The following GRIA3 variants were observed in gnomAD, a reference collection of about 807,000 sequenced individuals.
GRIA3 encodes the protein glutamate ionotropic receptor AMPA type subunit 3, also known as glutamate receptor 3.
A neutral mutation model predicts 63.0 loss-of-function variants in GRIA3; 3 were observed. The observed-to-expected ratio is 0.05, with a 90% CI of 0.02 to 0.12. GRIA3 has a LOEUF of 0.12. Ranked by LOEUF, GRIA3 falls within the 10% of genes least tolerant of loss-of-function variation. GRIA3 has a pLI of 1.00. For missense variants in GRIA3, 347 were observed against 700.9 expected, an observed-to-expected ratio of 0.50 and a Z score of 5.70; for synonymous variants, 274 against 257.9, an observed-to-expected ratio of 1.06 and a Z score of -0.60.
intron 3 of GRIA3, among the ~76,000 whole-genome samples, chrX:123,322,817 A>C (rs761807723): frequency 3.7e-4 from 41 of 112,220 alleles, no homozygotes; most frequent in Admixed American, 2.2e-3. Context: ...CTTGCTCAAA[A>C]AATGTGAGCA....
rs776668202 is a variant in GRIA3 at position 123,418,546 on chromosome X, C to T, written c.1877+768C>T. ...CATCCAGAATATATAACACCTCTTACAACTCAATAAAAAGAAGACAATCCA... is the reference window on the plus strand; with the variant it reads ...CATCCAGAATATATAACACCTCTTATAACTCAATAAAAAGAAGACAATCCA... On this transcript the variant is annotated intron_variant, in intron 11 of 15. Transcript: ENST00000620443. Among the ~76,000 whole-genome samples the T allele has an allele frequency of 2.7e-5, 3 of 112,113 alleles. No homozygotes were observed. In the South Asian group the frequency reaches 1.1e-3, roughly 42 times the overall value.
intron 10 of GRIA3, among the ~76,000 whole-genome samples, chrX:123,407,754 C>T (rs1439148295): frequency 1.0e-5 from 1 of 97,535 alleles, no homozygotes; most frequent in Non-Finnish European, 2.0e-5. Context: ...ATAACTTTAA[C>T]CCAGATCTTT....
intron 3 of GRIA3, among the ~76,000 whole-genome samples, chrX:123,279,200 C>CTT: frequency 9.0e-6 from 1 of 110,948 alleles, no homozygotes; most frequent in East Asian, 2.8e-4. Context: ...TGGTGGTTAC[C>CTT]AGAGGATAGG....
chrX:123,353,664 C>T (rs1396138093), intron 4 of GRIA3, among the ~76,000 whole-genome samples: 1 of 111,408 alleles, frequency 9.0e-6, no homozygotes, highest in Non-Finnish European at 1.9e-5. Flanking sequence ...CTTAATGGCC[C>T]CTCACTTGCA....
At chrX:123,209,741 A>G (rs888426873) in intron 2 of GRIA3, among the ~76,000 whole-genome samples, 1 of 111,788 alleles carries the variant, frequency 8.9e-6, no homozygotes, top group African/African-American at 3.3e-5. Context: ...TTTGAAAAAT[A>G]TTCCCAAGGT....
chrX:123,220,604 A>C (rs150816919), intron 2 of GRIA3, among the ~76,000 whole-genome samples: 1 of 111,549 alleles, frequency 9.0e-6, no homozygotes, highest in Non-Finnish European at 1.9e-5. Context: ...GCACTAATAT[A>C]AATGGATTCC....
At chrX:123,357,553 G>A (rs1285933954) in intron 5 of GRIA3, among the ~76,000 whole-genome samples, 2 of 108,507 alleles carry the variant, frequency 1.8e-5, no homozygotes, top group African/African-American at 6.7e-5. Context: ...ATCATCTCAA[G>A]AATTTATCCT....
chrX:123,309,661 G>T (rs1245793019), intron 3 of GRIA3, among the ~76,000 whole-genome samples: 1 of 111,669 alleles, frequency 9.0e-6, no homozygotes, highest in Admixed American at 9.5e-5. Context: ...GCCTAAGGGG[G>T]TTGTCAAACA....
chrX:123,202,187 C>T (rs1368094372), intron 2 of GRIA3, among the ~76,000 whole-genome samples: 10 of 112,157 alleles, frequency 8.9e-5, no homozygotes, highest in Non-Finnish European at 1.9e-5. Flanking sequence ...CAGATATCGT[C>T]GCATTTCCTG....
intron 5 of GRIA3, among the ~76,000 whole-genome samples, chrX:123,394,516 A>T (rs2045403275): frequency 8.9e-6 from 1 of 112,570 alleles, no homozygotes; most frequent in African/African-American, 3.2e-5. Context: ...ACAAATTTCT[A>T]AAGTACTCAT....
intron 13 of GRIA3, among the ~76,000 whole-genome samples, chrX:123,473,786 T>C (rs2045875114): frequency 8.9e-6 from 1 of 111,904 alleles, no homozygotes; most frequent in South Asian, 3.8e-4. Context: ...ATTCTCGTCA[T>C]CCAGATAATG....
At chrX:123,241,749 A>C (rs983007) in intron 2 of GRIA3, among the ~76,000 whole-genome samples, 2 of 109,329 alleles carry the variant, frequency 1.8e-5, no homozygotes, top group African/African-American at 3.3e-5. Context: ...GCTGAAAAAA[A>C]GAAGTCATAG....
At chrX:123,457,256 A>G (rs2045767035) in intron 12 of GRIA3, among the ~76,000 whole-genome samples, 2 of 111,353 alleles carry the variant, frequency 1.8e-5, no homozygotes, top group Admixed American at 9.6e-5. Flanking sequence ...CCCCTTGCTC[A>G]GGGGTAACAG....
At chrX:123,341,974 GT>G (rs756236854) in intron 4 of GRIA3, among the ~76,000 whole-genome samples, 71 of 107,350 alleles carry the variant, frequency 6.6e-4, no homozygotes, top group South Asian at 1.6e-3. Context: ...CTAAGAGTGG[GT>G]TTTTTTTTTT....
intron 2 of GRIA3, among the ~76,000 whole-genome samples, chrX:123,240,209 C>T (rs926809317): frequency 8.9e-6 from 1 of 112,099 alleles, no homozygotes; most frequent in Non-Finnish European, 1.9e-5. Context: ...GACATCTCAG[C>T]GTGGACCTCC....
intron 11 of GRIA3, among the ~76,000 whole-genome samples, chrX:123,423,417 T>C (rs949181759): frequency 8.9e-6 from 1 of 112,376 alleles, no homozygotes; most frequent in Non-Finnish European, 1.9e-5. Flanking sequence ...TTTCCTCTGC[T>C]GATGTATGAC....
At position 123,354,122 on chromosome X, in the gene GRIA3, T is replaced by G. The variant is rs142375574; in HGVS notation, c.697-788T>G. Among the ~76,000 whole-genome samples, 11 of 111,949 alleles carry G rather than the reference T, an allele frequency of 9.8e-5. No homozygotes were observed. In the East Asian group the frequency reaches 2.8e-3, roughly 28 times the overall value. ...ATAAAAATTATGGTAAGAATGATGA[T>G]ACTGAGGAAGGGTTTCTCAACCTTA... On this transcript the variant is annotated intron_variant, in intron 4 of 15. Coordinates refer to ENST00000620443, the MANE Select transcript of GRIA3 (RefSeq NM_007325.5).
chrX:123,311,125 A>T lies in GRIA3; in HGVS notation c.509-14901A>T, dbSNP rs138231540. Among the ~76,000 whole-genome samples the T allele has an allele frequency of 2.6e-4, 29 of 112,231 alleles. No individual in the cohort carries two copies. In the East Asian group the frequency reaches 7.8e-3, roughly 30 times the overall value. ...TTTACAGATGAGGAAACTGAGTCCC[A>T]GAATGGAAAAAAACAACCACATGCT... On this transcript the variant is annotated intron_variant, in intron 3 of 15. Transcript: ENST00000620443.
intron 5 of GRIA3, among the ~76,000 whole-genome samples, chrX:123,383,845 C>T (rs2045338683): frequency 1.8e-5 from 2 of 110,499 alleles, no homozygotes. Context: ...TTTTTCTGAT[C>T]CTCTCCCTCC....
Sources: gnomAD v4.1 joint callset for allele counts (sites outside exome capture counted in the v4.1 genomes callset) on GRCh38, gnomAD v4.1.1 for gene constraint, MANE v1.5 for transcripts, NCBI Gene and HGNC (gene_info 2026-07-23, HGNC 2026-07-21) for gene names.